The following SFRP1 variants were observed in gnomAD, a reference collection of about 807,000 sequenced individuals.
The protein encoded by SFRP1 is secreted frizzled-related protein 1.
In SFRP1, 9 loss-of-function variants were observed where a neutral mutation model predicts 25.9. The ratio of observed to expected loss-of-function variants is 0.35; its 90% CI spans 0.21 to 0.61. SFRP1 has a LOEUF of 0.61. SFRP1 is among the 20% of genes least tolerant of loss of function. The probability of loss-of-function intolerance (pLI) is 0.78; values close to 1 mark genes in which losing one functional copy is unlikely to be tolerated. For missense variants in SFRP1, 346 were observed against 418.2 expected (o/e 0.83, Z 1.51); for synonymous variants, 178 against 174.0 (o/e 1.02, Z -0.18).
At chr8:41,272,925 A>C (rs957350474) in intron 2 of SFRP1, among the ~76,000 whole-genome samples, 3 of 137,838 alleles carry the variant, frequency 2.2e-5, no homozygotes, top group African/African-American at 7.5e-5. Context: ...TAAAATCTTC[A>C]AGAGAAAAGG....
intron 2 of SFRP1, among the ~76,000 whole-genome samples, chr8:41,268,334 C>T (rs906636905): frequency 2.0e-5 from 3 of 152,156 alleles, no homozygotes; most frequent in African/African-American, 7.2e-5. Flanking sequence ...GAACCCACAC[C>T]TAACCCCAAA....
chr8:41,269,935 A>G (rs1028437883), intron 2 of SFRP1, among the ~76,000 whole-genome samples: 1 of 152,238 alleles, frequency 6.6e-6, no homozygotes, highest in Admixed American at 6.5e-5. Flanking sequence ...TGTAAATGCC[A>G]CGGGAGGCCC....
At position 41,277,769 on chromosome 8, in the gene SFRP1, T is replaced by C. The variant is rs117737715; in HGVS notation, c.623-12280A>G. 8.7e-4 allele frequency among the ~76,000 whole-genome samples: 133 copies of C among 152,268 alleles called. 1 individual carries two copies. The highest frequency in any genetic ancestry group is 1.4e-3 in the Non-Finnish European group (93 of 68,012). On this transcript the variant is annotated intron_variant, in intron 2 of 2. Coordinates refer to ENST00000220772, the MANE Select transcript of SFRP1 (RefSeq NM_003012.5). ...AAGCATGAGCCACCACACCACCTAA[T>C]TAAAAAAATGTTCTTTAGTTTTGTA...
Position 41,301,912 on chromosome 8 carries a change from GA to G in SFRP1, c.622+1548del, listed in dbSNP as rs1803921975. On this transcript the variant is annotated intron_variant, in intron 2 of 2. Transcript: ENST00000220772. ...TGGGAAGAAGATGTCCATCCCAGAT[GA>G]GTTACCTGAGTGCCCTCTAGACCCC... 3.9e-5 allele frequency among the ~76,000 whole-genome samples: 6 copies of G among 152,344 alleles called. No homozygotes were observed. In the East Asian group the frequency reaches 1.2e-3, roughly 29 times the overall value.
chr8:41,288,430 G>C (rs1437143687), intron 2 of SFRP1, among the ~76,000 whole-genome samples: 1 of 148,604 alleles, frequency 6.7e-6, no homozygotes, highest in Non-Finnish European at 1.5e-5. Flanking sequence ...CCCTGTACTT[G>C]GGAGACTGAG....
chr8:41,289,513 T>C (rs1421591705), intron 2 of SFRP1, among the ~76,000 whole-genome samples: 1 of 152,158 alleles, frequency 6.6e-6, no homozygotes, highest in Non-Finnish European at 1.5e-5. Flanking sequence ...GCTGACACAG[T>C]AGGTGGTAGA....
rs34742703 is a variant in SFRP1, at chr8:41,283,583, C to CTTT, written c.623-18097_623-18095dup. Among the ~76,000 whole-genome samples, 650 of 139,120 alleles carry CTTT rather than the reference C, an allele frequency of 4.7e-3. 14 individuals are homozygous for CTTT. Among genetic ancestry groups the CTTT allele is most frequent in the African/African-American group, 0.013 (502 of 37,596 alleles). 91.3% of individuals were successfully genotyped at this position (139,120 alleles called of 152,430 possible). ...AAAAAAATTAAACTCCTCCAACTTT[C>CTTT]TTTTTTTTTTTTTTTGAGACAGTTT... On this transcript the variant is annotated intron_variant, in intron 2 of 2. Coordinates refer to ENST00000220772, the MANE Select transcript of SFRP1 (RefSeq NM_003012.5).
intron 1 of SFRP1, among the ~76,000 whole-genome samples, chr8:41,304,182 C>T (rs1421338543): frequency 1.3e-5 from 2 of 152,126 alleles, no homozygotes; most frequent in African/African-American, 2.4e-5. Context: ...GAGGCTCTTT[C>T]CTGGGCAACT....
At position 41,309,001 on chromosome 8, in the gene SFRP1, G is replaced by A. The variant is rs755670568; in HGVS notation, c.159C>T (p.Thr53=). 7 of 1,612,618 alleles carry A rather than the reference G, an allele frequency of 4.3e-6. No individual in the cohort carries two copies. The highest frequency in any genetic ancestry group is 3.3e-5 in the South Asian group (3 of 91,072). Reference sequence around the variant, plus strand: ...GGATGTCCACGCACTGAGGTGGCTTGGTGTAGAAGCGCCCGCTCTGGTACG... The same window carrying A: ...GGATGTCCACGCACTGAGGTGGCTTAGTGTAGAAGCGCCCGCTCTGGTACG... The part of the protein sequence containing the change: ...IGPYQSGRFY[T]KPPQCVDIPA... Residue 53 remains threonine (T), a synonymous_variant, in exon 1 of 3, where the codon ACC becomes ACT. Transcript: ENST00000220772.
chr8:41,302,238 A>G (rs1803930524), intron 2 of SFRP1, among the ~76,000 whole-genome samples: 1 of 152,154 alleles, frequency 6.6e-6, no homozygotes. Flanking sequence ...TGGAAACAGG[A>G]TACGCGCTCT....
In SFRP1 at chr8:41,265,156, C is replaced by T; in HGVS notation, c.*11G>A. ...ACCCGAGGCTCCCTCCCCACCCTGCCCCCGGGAGAATCACTTAAACACGGA... is the reference window on the plus strand; with the variant it reads ...ACCCGAGGCTCCCTCCCCACCCTGCTCCCGGGAGAATCACTTAAACACGGA... On this transcript the variant is annotated 3_prime_UTR_variant, in exon 3 of 3. Coordinates refer to ENST00000220772, the MANE Select transcript of SFRP1 (RefSeq NM_003012.5). 1 of 1,521,064 alleles carries T rather than the reference C, an allele frequency of 6.6e-7. No individual in the cohort carries two copies. The allele number at this position is 1,521,064 out of a possible 1,614,324, so 94.2% of individuals were successfully genotyped here.
At chr8:41,286,950 G>C (rs2117500557) in intron 2 of SFRP1, among the ~76,000 whole-genome samples, 1 of 152,326 alleles carries the variant, frequency 6.6e-6, no homozygotes, top group African/African-American at 2.4e-5. Flanking sequence ...CTGAAAAAGA[G>C]TCCTGTGGGT....
At chr8:41,305,459 G>T (rs1469399380) in intron 1 of SFRP1, among the ~76,000 whole-genome samples, 1 of 152,138 alleles carries the variant, frequency 6.6e-6, no homozygotes, top group African/African-American at 2.4e-5. Flanking sequence ...TTTTTACCAC[G>T]GCTTTCCCCT....
At chr8:41,301,553 C>T (rs1257676141) in intron 2 of SFRP1, among the ~76,000 whole-genome samples, 1 of 152,230 alleles carries the variant, frequency 6.6e-6, no homozygotes, top group Admixed American at 6.5e-5. Context: ...ACCATACGCA[C>T]ACTAAGGAGG....
At position 41,292,289 on chromosome 8, in the gene SFRP1, T is replaced by C. The variant is rs536484414; in HGVS notation, c.622+11172A>G. Among the ~76,000 whole-genome samples, 3 of 152,288 alleles carry C rather than the reference T, an allele frequency of 2.0e-5. No individual in the cohort carries two copies. The East Asian group carries it at 5.8e-4, about 29-fold the overall frequency. On this transcript the variant is annotated intron_variant, in intron 2 of 2. Coordinates refer to ENST00000220772, the MANE Select transcript of SFRP1 (RefSeq NM_003012.5). ...TTTGTGTCCCCACCCAAATCTCTCT[T>C]TGAACTGTAATCCCCAGGTGTTGAG...
rs1804031092 is a variant in SFRP1, at chr8:41,308,740, G to A, written c.420C>T (p.Cys140=). 3 of 1,607,706 alleles carry A rather than the reference G, an allele frequency of 1.9e-6. No homozygotes were observed. The highest frequency in any genetic ancestry group is 1.1e-5 in the South Asian group (1 of 90,380). ...RWLCEAVRDS[C]EPVMQFFGFY... ...AGCCGAAGAACTGCATGACCGGCTC[G>A]CACGAGTCGCGCACGGCCTCGCAGA... The change falls in exon 1 of 3, where the codon TGC becomes TGT. Residue 140 remains cysteine (C), a synonymous_variant. Transcript: ENST00000220772.
At chr8:41,290,886 C>CCTTTTTTT (rs1803768994) in intron 2 of SFRP1, among the ~76,000 whole-genome samples, 1 of 53,874 alleles carries the variant, frequency 1.9e-5, no homozygotes, top group Non-Finnish European at 4.1e-5. Flanking sequence ...TCTTCCTCGT[C>CCTTTTTTT]TTTTTTTTTT....
At chr8:41,276,270 T>TGGC (rs879733124) in intron 2 of SFRP1, among the ~76,000 whole-genome samples, 28 of 152,106 alleles carry the variant, frequency 1.8e-4, no homozygotes, top group Admixed American at 1.8e-3. Context: ...AACCCTGAGG[T>TGGC]CTGAGGCAGA....
Position 41,308,803 on chromosome 8 carries a change from G to A in SFRP1, c.357C>T (p.Pro119=), listed in dbSNP as rs1471419669. 5 of 1,610,858 alleles carry A rather than the reference G, an allele frequency of 3.1e-6. No homozygotes were observed. The highest frequency in any genetic ancestry group is 2.2e-5 in the East Asian group (1 of 44,796). The change falls in exon 1 of 3, where the codon CCC becomes CCT. Residue 119 remains proline, a synonymous_variant. Coordinates refer to ENST00000220772, the MANE Select transcript of SFRP1 (RefSeq NM_003012.5). ...TQVFLCSLFA[P]VCLDRPIYPC... Reference sequence around the variant, plus strand: ...GGTAGATGGGCCGGTCCAGGCAGACGGGCGCGAAGAGCGAGCAGAGGAAGA... The same window carrying A: ...GGTAGATGGGCCGGTCCAGGCAGACAGGCGCGAAGAGCGAGCAGAGGAAGA...
Sources: allele counts gnomAD v4.1 joint callset (sites outside exome capture counted in the v4.1 genomes callset), GRCh38; gene constraint gnomAD v4.1.1; transcripts MANE v1.5; gene names NCBI Gene and HGNC (gene_info 2026-07-23, HGNC 2026-07-21).